TSPAN7: variants seen among roughly 807,000 people sequenced by gnomAD.
TSPAN7 encodes tetraspanin-7.
TSPAN7 carries 1 observed loss-of-function variant against 17.6 expected under a neutral mutation model. The observed-to-expected ratio is 0.06, with a 90% CI of 0.02 to 0.27. The LOEUF is 0.27. TSPAN7 is among the 10% of genes least tolerant of loss of function. The probability of loss-of-function intolerance (pLI) is 1.00; values close to 1 mark genes in which losing one functional copy is unlikely to be tolerated. For synonymous variants in TSPAN7, 78 were observed against 79.0 expected (o/e 0.99, Z 0.07); for missense variants, 112 against 201.7 (o/e 0.56, Z 2.69).
At chrX:38,618,215 C>T (rs1159660362) in intron 1 of TSPAN7, among the ~76,000 whole-genome samples, 1 of 112,044 alleles carries the variant, frequency 8.9e-6, no homozygotes, top group Non-Finnish European at 1.9e-5. Context: ...GTTAAGTTCA[C>T]AATCCATTGT....
At chrX:38,606,828 C>T (rs763708944) in intron 1 of TSPAN7, among the ~76,000 whole-genome samples, 1 of 111,761 alleles carries the variant, frequency 8.9e-6, no homozygotes, top group Non-Finnish European at 1.9e-5. Flanking sequence ...ACATTTAAGA[C>T]CACTTATAAC....
chrX:38,580,907 T>A (rs1444303282), intron 1 of TSPAN7, among the ~76,000 whole-genome samples: 1 of 111,527 alleles, frequency 9.0e-6, no homozygotes. Flanking sequence ...ACTCTGAGAA[T>A]CCCTGCTGCC....
chrX:38,580,996 T>C (rs2069224412), intron 1 of TSPAN7, among the ~76,000 whole-genome samples: 1 of 112,510 alleles, frequency 8.9e-6, no homozygotes, highest in South Asian at 3.7e-4. Flanking sequence ...GAGAAGCCTC[T>C]GTTTTCCGCA....
chrX:38,687,268 T>G (rs182359755), intron 6 of TSPAN7, among the ~76,000 whole-genome samples: 10 of 111,545 alleles, frequency 9.0e-5, no homozygotes, highest in African/African-American at 2.0e-4. Context: ...TGAACAAATT[T>G]TAATACTCCT....
intron 1 of TSPAN7, among the ~76,000 whole-genome samples, chrX:38,638,828 A>G (rs568492870): frequency 1.8e-5 from 2 of 110,423 alleles, no homozygotes; most frequent in East Asian, 2.9e-4. Flanking sequence ...AGAAAATTCA[A>G]TTTAGCCCAG....
chrX:38,632,151 G>T (rs1030486402), intron 1 of TSPAN7, among the ~76,000 whole-genome samples: 3 of 111,515 alleles, frequency 2.7e-5, no homozygotes. Context: ...TTATGCTAAT[G>T]CCATTAAGAT....
intron 1 of TSPAN7, among the ~76,000 whole-genome samples, chrX:38,658,188 C>CT (rs1452076072): frequency 1.8e-5 from 2 of 110,757 alleles, no homozygotes; most frequent in Non-Finnish European, 3.8e-5. Flanking sequence ...TCCCATAAGT[C>CT]TTTTTTTAAA....
At chrX:38,605,572 T>C (rs1337170659) in intron 1 of TSPAN7, among the ~76,000 whole-genome samples, 108 of 105,543 alleles carry the variant, frequency 1.0e-3, no homozygotes, top group Non-Finnish European at 1.6e-3. Flanking sequence ...TTAAAGTTCA[T>C]ATGGAACCAA....
chrX:38,581,943 G>A (rs1267352017), intron 1 of TSPAN7, among the ~76,000 whole-genome samples: 1 of 112,381 alleles, frequency 8.9e-6, no homozygotes, highest in African/African-American at 3.2e-5. Context: ...GAATCTTCAG[G>A]CATTTTCCCA....
chrX:38,606,722 A>G (rs957522615), intron 1 of TSPAN7, among the ~76,000 whole-genome samples: 3 of 111,859 alleles, frequency 2.7e-5, no homozygotes, highest in African/African-American at 9.7e-5. Flanking sequence ...GTGAAGTTAC[A>G]CCTAAATTGG....
intron 1 of TSPAN7, among the ~76,000 whole-genome samples, chrX:38,630,872 G>A (rs754450306): frequency 4.5e-5 from 5 of 111,552 alleles, no homozygotes; most frequent in East Asian, 2.8e-4. Context: ...CTACCTCTGC[G>A]CTATGTGAGA....
intron 1 of TSPAN7, among the ~76,000 whole-genome samples, chrX:38,655,793 A>G (rs760533161): frequency 5.1e-4 from 57 of 111,914 alleles, no homozygotes; most frequent in Non-Finnish European, 8.6e-4. Flanking sequence ...CTTCCTGTGT[A>G]TAAAGTATTT....
intron 1 of TSPAN7, among the ~76,000 whole-genome samples, chrX:38,567,097 T>C (rs1368268812): frequency 1.8e-5 from 2 of 111,900 alleles, no homozygotes; most frequent in African/African-American, 6.5e-5. Context: ...AAACAATTTT[T>C]TTTTTTGTCC....
intron 5 of TSPAN7, among the ~76,000 whole-genome samples, chrX:38,676,152 G>A (rs775218848): frequency 4.5e-5 from 5 of 111,407 alleles, no homozygotes; most frequent in African/African-American, 1.6e-4. Context: ...GTCAGACAGC[G>A]AGTGTTGGCT....
chrX:38,645,213 A>G (rs1157239568), intron 1 of TSPAN7, among the ~76,000 whole-genome samples: 1 of 112,402 alleles, frequency 8.9e-6, no homozygotes, highest in Non-Finnish European at 1.9e-5. Flanking sequence ...GGACAGGGGC[A>G]GCCTTGGAGC....
At chrX:38,687,494 C>A (rs951323892) in intron 6 of TSPAN7, 105 bp from the exon 7 acceptor site, 7 of 767,696 alleles carry the variant, frequency 9.1e-6, no homozygotes, top group Non-Finnish European at 1.3e-5. Context: ...ACGCATATGT[C>A]AAAAATCACA....
intron 1 of TSPAN7, among the ~76,000 whole-genome samples, chrX:38,634,885 T>C (rs1399440054): frequency 9.1e-6 from 1 of 110,320 alleles, no homozygotes; most frequent in Non-Finnish European, 1.9e-5. Flanking sequence ...CTGCCGCTCA[T>C]GTGCATAACC....
Position 38,601,159 on chromosome X carries a change from G to A in TSPAN7, c.81+39532G>A, listed in dbSNP as rs181210068. Among the ~76,000 whole-genome samples, 15 of 111,733 alleles carry A rather than the reference G, an allele frequency of 1.3e-4. 1 individual carries two copies. The highest frequency in any genetic ancestry group is 9.5e-4 in the Admixed American group (10 of 10,477). ...AAGACCATGATATTCTGAAACAGGC[G>A]TGGAAACTGGATGTGAAAATATGCA... On this transcript the variant is annotated intron_variant, in intron 1 of 7. Transcript: ENST00000378482.
chrX:38,682,186 A>AT (rs2069897455), intron 6 of TSPAN7, among the ~76,000 whole-genome samples: 1 of 92,772 alleles, frequency 1.1e-5, no homozygotes, highest in East Asian at 2.8e-4. Context: ...ATTTTTTATT[A>AT]TTTTTTTATT....
Sources: gnomAD v4.1 joint callset for allele counts (sites outside exome capture counted in the v4.1 genomes callset) on GRCh38, gnomAD v4.1.1 for gene constraint, MANE v1.5 for transcripts, NCBI Gene and HGNC (gene_info 2026-07-23, HGNC 2026-07-21) for gene names.